NLGN1: variants seen among roughly 807,000 people sequenced by gnomAD.
NLGN1 encodes the protein neuroligin 1, also known as neuroligin-1.
Under a neutral mutation model 65.5 loss-of-function variants are expected in NLGN1, and 12 were observed. The ratio of observed to expected loss-of-function variants is 0.18; its 90% CI spans 0.12 to 0.30. The LOEUF is 0.30. Among genes scored for constraint, NLGN1 ranks in the 10% least tolerant of loss-of-function variants. The probability of loss-of-function intolerance (pLI) is 1.00; values close to 1 mark genes in which losing one functional copy is unlikely to be tolerated. For synonymous variants in NLGN1, 350 were observed against 359.5 expected (o/e 0.97, Z 0.30); for missense variants, 750 against 1,007.1 (o/e 0.74, Z 3.46).
intron 4 of NLGN1, among the ~76,000 whole-genome samples, chr3:174,239,630 A>G (rs908027971): frequency 1.3e-5 from 2 of 152,174 alleles, no homozygotes; most frequent in African/African-American, 4.8e-5. Flanking sequence ...GGATAAAACA[A>G]TAGTTATTAT....
intron 3 of NLGN1, among the ~76,000 whole-genome samples, chr3:173,755,521 G>T (rs1776962332): frequency 6.6e-6 from 1 of 152,036 alleles, no homozygotes; most frequent in Admixed American, 6.6e-5. Context: ...TTCAAGGCAG[G>T]CCCATGTGAC....
intron 4 of NLGN1, among the ~76,000 whole-genome samples, chr3:174,063,817 A>G (rs1362189016): frequency 2.0e-5 from 3 of 152,148 alleles, no homozygotes; most frequent in Non-Finnish European, 4.4e-5. Context: ...TAACCTTAGT[A>G]TGGTTTTGAA....
chr3:174,148,972 T>G (rs1402236015), intron 4 of NLGN1, among the ~76,000 whole-genome samples: 1 of 152,160 alleles, frequency 6.6e-6, no homozygotes, highest in East Asian at 1.9e-4. Context: ...CATTTTTTTC[T>G]TACATTATTT....
intron 3 of NLGN1, among the ~76,000 whole-genome samples, chr3:173,748,740 T>C (rs972765680): frequency 6.6e-6 from 1 of 152,128 alleles, no homozygotes; most frequent in South Asian, 2.1e-4. Flanking sequence ...TATGTAGATA[T>C]CTTCTTATCT....
intron 4 of NLGN1, among the ~76,000 whole-genome samples, chr3:174,105,216 G>A (rs1713449286): frequency 6.6e-6 from 1 of 150,860 alleles, no homozygotes; most frequent in East Asian, 2.0e-4. Context: ...AGAAGGGGAG[G>A]AATTGAAGTT....
intron 4 of NLGN1, among the ~76,000 whole-genome samples, chr3:174,064,314 A>G (rs1738035705): frequency 6.6e-6 from 1 of 152,174 alleles, no homozygotes; most frequent in Non-Finnish European, 1.5e-5. Flanking sequence ...TTAATTATTA[A>G]TGAACAGGAA....
intron 2 of NLGN1, among the ~76,000 whole-genome samples, chr3:173,490,866 G>T (rs1030005589): frequency 2.0e-5 from 3 of 151,962 alleles, no homozygotes; most frequent in African/African-American, 7.3e-5. Flanking sequence ...ATTGTGAATG[G>T]GAGTTCATTC....
chr3:173,621,347 T>C (rs1157432856), intron 3 of NLGN1, among the ~76,000 whole-genome samples: 2 of 152,090 alleles, frequency 1.3e-5, no homozygotes, highest in Non-Finnish European at 2.9e-5. Flanking sequence ...TTTTGTCTGG[T>C]AAGGGGAAAG....
chr3:174,138,655 TG>T (rs1561134734), intron 4 of NLGN1, among the ~76,000 whole-genome samples: 1 of 151,874 alleles, frequency 6.6e-6, no homozygotes, highest in African/African-American at 2.4e-5. Context: ...AGGATGGTCT[TG>T]ATCTCCTGAC....
intron 1 of NLGN1, among the ~76,000 whole-genome samples, chr3:173,426,974 A>G (rs891953455): frequency 3.9e-5 from 6 of 151,922 alleles, no homozygotes; most frequent in African/African-American, 1.4e-4. Context: ...CTTTGTGGAG[A>G]TTTTTAAAAT....
chr3:173,822,196 C>T (rs1366709900), intron 4 of NLGN1, among the ~76,000 whole-genome samples: 2 of 152,026 alleles, frequency 1.3e-5, no homozygotes, highest in Admixed American at 6.6e-5. Context: ...TAAGCCAAAA[C>T]TGTGTAGTTT....
intron 4 of NLGN1, among the ~76,000 whole-genome samples, chr3:174,159,657 G>A (rs1726130881): frequency 6.6e-6 from 1 of 151,628 alleles, no homozygotes; most frequent in Non-Finnish European, 1.5e-5. Flanking sequence ...CAAGCAGCAA[G>A]GGACAAGTTC....
chr3:173,830,012 G>C (rs553741823), intron 4 of NLGN1, among the ~76,000 whole-genome samples: 2 of 141,648 alleles, frequency 1.4e-5, no homozygotes, highest in Admixed American at 6.8e-5. Context: ...TAGTGTGGGG[G>C]GGGGAGGGAG....
intron 4 of NLGN1, among the ~76,000 whole-genome samples, chr3:174,079,108 A>G (rs1189902181): frequency 6.6e-6 from 1 of 152,168 alleles, no homozygotes; most frequent in Non-Finnish European, 1.5e-5. Flanking sequence ...GACAACCTGC[A>G]GAATGGGAAA....
chr3:173,519,256 C>G (rs1030663166), intron 2 of NLGN1, among the ~76,000 whole-genome samples: 1 of 152,192 alleles, frequency 6.6e-6, no homozygotes. Flanking sequence ...CATGGAGAAC[C>G]TCTACTAGGG....
chr3:173,778,285 TA>T (rs1780612866), intron 3 of NLGN1, among the ~76,000 whole-genome samples: 1 of 151,984 alleles, frequency 6.6e-6, no homozygotes, highest in South Asian at 2.1e-4. Context: ...TTGAAATTTA[TA>T]AATTAACCAA....
At chr3:174,218,659 C>A (rs979255278) in intron 4 of NLGN1, among the ~76,000 whole-genome samples, 1 of 151,990 alleles carries the variant, frequency 6.6e-6, no homozygotes, top group African/African-American at 2.4e-5. Context: ...AAATGAGAAC[C>A]CTCTCTGGAA....
chr3:173,497,262 T>A (rs1427653673), intron 2 of NLGN1, among the ~76,000 whole-genome samples: 1 of 151,624 alleles, frequency 6.6e-6, no homozygotes, highest in Non-Finnish European at 1.5e-5. Context: ...TATGCTCCTG[T>A]AATCCCAGCT....
intron 4 of NLGN1, among the ~76,000 whole-genome samples, chr3:173,947,273 C>T (rs1052795043): frequency 1.3e-5 from 2 of 151,988 alleles, no homozygotes; most frequent in African/African-American, 2.4e-5. Flanking sequence ...CTGCCCGCTT[C>T]AGCCTCCCAA....
Sources: allele counts gnomAD v4.1 joint callset (sites outside exome capture counted in the v4.1 genomes callset), GRCh38; gene constraint gnomAD v4.1.1; transcripts MANE v1.5; gene names NCBI Gene and HGNC (gene_info 2026-07-23, HGNC 2026-07-21).